Variants in PFKFB2 observed in about 807,000 individuals in gnomAD.
PFKFB2 encodes 6-phosphofructo-2-kinase/fructose-2,6-bisphosphatase 2.
In PFKFB2, 53 loss-of-function variants were observed where a neutral mutation model predicts 68.0. The observed-to-expected ratio is 0.78, with a 90% CI of 0.63 to 0.98. The LOEUF is 0.98. Ranked by LOEUF, PFKFB2 falls within the 50% of genes least tolerant of loss-of-function variation. The probability of loss-of-function intolerance (pLI) is 0.00; values close to 1 mark genes in which losing one functional copy is unlikely to be tolerated. For missense variants in PFKFB2, 451 were observed against 642.0 expected (o/e 0.70, Z 3.22); for synonymous variants, 222 against 227.6 (o/e 0.98, Z 0.22).
chr1:207,072,037 C>T (rs1312837153), intron 14 of PFKFB2, among the ~76,000 whole-genome samples, 167 bp from the exon 15 acceptor site: 1 of 152,194 alleles, frequency 6.6e-6, no homozygotes, highest in South Asian at 2.1e-4. Flanking sequence ...CCCTTTTAGC[C>T]CCCTGATGCT....
chr1:207,072,481 G>A lies in PFKFB2; in HGVS notation c.*110G>A. 1 of 1,486,898 alleles carries A rather than the reference G, an allele frequency of 6.7e-7. No homozygotes were observed. The highest frequency in any genetic ancestry group is 1.4e-5 in the African/African-American group (1 of 71,010). The allele number at this position is 1,486,898 out of a possible 1,614,324, so 92.1% of individuals were successfully genotyped here. A position where few individuals can be genotyped will look rare whatever the true frequency, so the allele number is the denominator to read the frequency against. ...GGAGTCATTAACTTCCTCCCTCTATGCCCACCCCTGACACTTCACCATTAA... is the reference window on the plus strand; with the variant it reads ...GGAGTCATTAACTTCCTCCCTCTATACCCACCCCTGACACTTCACCATTAA... On this transcript the variant is annotated 3_prime_UTR_variant, in exon 15 of 15. Transcript: ENST00000367080.
In PFKFB2 at chr1:207,068,200, A is replaced by G; in HGVS notation, c.878A>G (p.Glu293Gly). The change falls in exon 10 of 15, where the codon GAA becomes GGA. Residue 293 changes from glutamate (E) to glycine (G), a missense_variant. Physicochemically the swap from Glu to Gly is moderately conservative, Grantham distance 98. Transcript: ENST00000367080. ...QALRKFLEEQ[E>G]ITDLKVWTSQ... ...CTAAGGAAATTTCTGGAGGAACAGG[A>G]AATAACAGACCTCAAAGTGTGGACA... 1 of 1,612,158 alleles carries G rather than the reference A, an allele frequency of 6.2e-7. No homozygotes were observed. The highest frequency in any genetic ancestry group is 1.1e-5 in the South Asian group (1 of 90,792).
At position 207,046,234 on chromosome 1, in the gene PFKFB2, A is replaced by C. The variant is rs923032667; in HGVS notation, c.-18+4022A>C. The C allele has an allele frequency of 2.6e-5, 4 of 152,074 alleles. No individual in the cohort carries two copies. In the East Asian group the frequency reaches 5.8e-4, roughly 22 times the overall value. The allele number at this position is 152,074 out of a possible 1,614,324, so 9.4% of individuals were successfully genotyped here. On this transcript the variant is annotated intron_variant, in intron 2 of 5. Transcript: ENST00000545806. ...TATGGCAGGCAAAAACTCAATGAAT[A>C]GGAAAGATTTCATTCTGCTCTAGTA...
At chr1:207,065,532 A>G (rs936515040) in intron 8 of PFKFB2, among the ~76,000 whole-genome samples, 1 of 145,464 alleles carries the variant, frequency 6.9e-6, no homozygotes, top group African/African-American at 2.5e-5. Context: ...TTTTTTTTTT[A>G]GTAAAGATAG....
In PFKFB2 at chr1:207,070,737, G is replaced by A. The variant is rs1302942824; in HGVS notation, c.1222+328G>A. On this transcript the variant is annotated intron_variant, in intron 12 of 14. Transcript: ENST00000367080. This position sits in a 1 kb window ranked among gnomAD's most constrained non-coding sequence, Gnocchi z 4.2. ...TGCCACGCTGCCTACTAGGAGGGTG[G>A]TATCTTAGGAGCAGCAGTTGTTTCT... 3.3e-6 allele frequency: 1 copy of A among 306,832 alleles called. No individual in the cohort carries two copies. The highest frequency in any genetic ancestry group is 6.2e-6 in the Non-Finnish European group (1 of 160,940). 19.0% of individuals were successfully genotyped at this position (306,832 alleles called of 1,614,324 possible).
At chr1:207,055,614 G>A (rs1458778236) in intron 2 of PFKFB2, among the ~76,000 whole-genome samples, 2 of 150,948 alleles carry the variant, frequency 1.3e-5, no homozygotes, top group Non-Finnish European at 2.9e-5. Context: ...GCAGAATCCT[G>A]TCAGTCAGTT....
downstream of PFKFB2, chr1:207,080,653 C>T (rs1288832589): frequency 6.6e-6 from 1 of 152,014 alleles, no homozygotes; most frequent in Admixed American, 6.6e-5. Context: ...GTTTTCTTGT[C>T]ACTGTTTGCA....
In PFKFB2 at chr1:207,073,873, T is replaced by A. The variant is rs1683542438; in HGVS notation, c.*1502T>A. The A allele has an allele frequency of 1.0e-6, 1 of 985,324 alleles. No individual in the cohort carries two copies. The highest frequency in any genetic ancestry group is 4.7e-5 in the South Asian group (1 of 21,284). The allele number at this position is 985,324 out of a possible 1,614,324, so 61.0% of individuals were successfully genotyped here. A position where few individuals can be genotyped will look rare whatever the true frequency, so the allele number is the denominator to read the frequency against. ...CAAGTTTAGGGTTCTCATGGGATTTTAAAAAGAGATAGGTGACTCCCCACC... is the reference window on the plus strand; with the variant it reads ...CAAGTTTAGGGTTCTCATGGGATTTAAAAAAGAGATAGGTGACTCCCCACC... On this transcript the variant is annotated 3_prime_UTR_variant, in exon 15 of 15. Coordinates refer to ENST00000367080, the MANE Select transcript of PFKFB2 (RefSeq NM_006212.2).
rs1683359728 is a variant in PFKFB2, at chr1:207,068,211, C to CT, written c.890dup (p.Lys298GlnfsTer15). 6 of 1,612,206 alleles carry CT rather than the reference C, an allele frequency of 3.7e-6. No homozygotes were observed. In the East Asian group the frequency reaches 1.3e-4, roughly 36 times the overall value. On this transcript the variant is annotated frameshift_variant, in exon 10 of 15. Coordinates refer to ENST00000367080, the MANE Select transcript of PFKFB2 (RefSeq NM_006212.2). LOFTEE classifies it high-confidence loss of function. ...TCTGGAGGAACAGGAAATAACAGAC[C>CT]TCAAAGTGTGGACAAGCCAGTTGAA...
rs1572733687 is a variant in PFKFB2 at position 207,069,919 on chromosome 1, A to G, written c.1093-361A>G. On this transcript the variant is annotated intron_variant, in intron 11 of 14. Coordinates refer to ENST00000367080, the MANE Select transcript of PFKFB2 (RefSeq NM_006212.2). The stretch of plus-strand genomic sequence containing the variant: ...TCTAAGTGGCTTCCATACTCTAGGG[A>G]TGTGTGAGGCAAAAGTAAATAAAAC... 3.3e-5 allele frequency among the ~76,000 whole-genome samples: 5 copies of G among 152,130 alleles called. No homozygotes were observed. The South Asian group carries it at 1.0e-3, about 32-fold the overall frequency.
rs1464103580 is a variant in PFKFB2 at position 207,074,707 on chromosome 1, G to A, written c.*2336G>A. 2 of 985,322 alleles carry A rather than the reference G, an allele frequency of 2.0e-6. No homozygotes were observed. Among genetic ancestry groups the A allele is most frequent in the Non-Finnish European group, 2.4e-6 (2 of 829,932 alleles). 61.0% of individuals were successfully genotyped at this position (985,322 alleles called of 1,614,324 possible). On this transcript the variant is annotated 3_prime_UTR_variant, in exon 15 of 15. Transcript: ENST00000367080. ...TTGGGCTGGTAGGGGCAGGGATAGG[G>A]GAAAGCTAAACAGAAGTAGAAGAAA...
intron 2 of PFKFB2, 63 bp downstream of exon 2, chr1:207,054,865 T>C: frequency 8.5e-7 from 1 of 1,172,510 alleles, no homozygotes; most frequent in Non-Finnish European, 1.3e-6. Context: ...AATATAGTTA[T>C]AATCCTGGAC....
intron 2 of PFKFB2, among the ~76,000 whole-genome samples, chr1:207,059,075 C>A (rs1683010667): frequency 6.6e-6 from 1 of 152,136 alleles, no homozygotes; most frequent in South Asian, 2.1e-4. Flanking sequence ...AAATGAGAAG[C>A]CCTGGTTGTA....
At chr1:207,052,343 G>T, upstream of PFKFB2, 1 of 947,762 alleles carries the variant, frequency 1.1e-6, no homozygotes, top group Non-Finnish European at 1.7e-6. Flanking sequence ...GGGGTAGGTA[G>T]GAGGGAAGGT....
chr1:207,050,751 G>C, upstream of PFKFB2: 1 of 1,613,382 alleles, frequency 6.2e-7, no homozygotes, highest in Admixed American at 1.7e-5. Flanking sequence ...CACTCGGGAG[G>C]GTATCCGACG....
At chr1:207,049,251 C>G (rs771286369), upstream of PFKFB2, 5 of 1,613,986 alleles carry the variant, frequency 3.1e-6, no homozygotes, top group Non-Finnish European at 4.2e-6. Context: ...GGAAGTTACG[C>G]TGAAGTGGAT....
chr1:207,040,809 C>T (rs980979801), intron 1 of PFKFB2, among the ~76,000 whole-genome samples: 27 of 151,886 alleles, frequency 1.8e-4, no homozygotes, highest in Admixed American at 5.2e-4. Context: ...TTGTAGCCTT[C>T]GCCACATAAC....
chr1:207,061,129 C>CTATATATATA (rs1558059577), intron 2 of PFKFB2, among the ~76,000 whole-genome samples: 45 of 69,922 alleles, frequency 6.4e-4, no homozygotes, highest in Non-Finnish European at 1.1e-3. Flanking sequence ...TTATATATAT[C>CTATATATATA]TTTATATATA....
chr1:207,063,423 T>A lies in PFKFB2; in HGVS notation c.450+2T>A. On this transcript the variant is annotated splice_donor_variant, in intron 6 of 14. Transcript: ENST00000367080. LOFTEE classifies it high-confidence loss of function. This position sits in a 1 kb window ranked among gnomAD's most constrained non-coding sequence, Gnocchi z 4.1. ...TTTGCTGAACAGAATTCCTTCAAGG[T>A]AGGATCTGACTCCATGTTGGAGGAA... The A allele has an allele frequency of 1.2e-6, 2 of 1,607,754 alleles. No homozygotes were observed. The highest frequency in any genetic ancestry group is 1.7e-6 in the Non-Finnish European group (2 of 1,174,860).
Sources: allele counts gnomAD v4.1 joint callset (sites outside exome capture counted in the v4.1 genomes callset), GRCh38; gene constraint gnomAD v4.1.1; non-coding constraint Gnocchi (gnomAD v3.1); transcripts MANE v1.5; gene names NCBI Gene and HGNC (gene_info 2026-07-23, HGNC 2026-07-21).